Variants in PHACTR3 observed in about 807,000 individuals in gnomAD.
PHACTR3 encodes the protein protein phosphatase 1, regulatory subunit 123.
In PHACTR3, 16 loss-of-function variants were observed where a neutral mutation model predicts 66.8. That is an observed-to-expected ratio of 0.24 (90% confidence interval 0.16 to 0.36). The LOEUF (loss-of-function observed/expected upper bound fraction) is 0.36. PHACTR3 is among the 10% of genes least tolerant of loss of function. The pLI is 1.00. For synonymous variants in PHACTR3, 323 were observed against 292.1 expected (o/e 1.11, Z -1.08); for missense variants, 647 against 719.9 (o/e 0.90, Z 1.16).
At chr20:59,608,090 C>G (rs2033725465) in intron 1 of PHACTR3, among the ~76,000 whole-genome samples, 1 of 152,202 alleles carries the variant, frequency 6.6e-6, no homozygotes, top group Non-Finnish European at 1.5e-5. Flanking sequence ...TCTCCAAACC[C>G]TTGCCAACAC....
intron 1 of PHACTR3, chr20:59,676,641 AG>A: frequency 1.0e-6 from 1 of 968,540 alleles, no homozygotes; most frequent in Middle Eastern, 5.3e-4. Flanking sequence ...CAGGGCTGTG[AG>A]GGCTCTTTGC....
At chr20:59,668,073 C>A (rs758703170) in intron 1 of PHACTR3, among the ~76,000 whole-genome samples, 1 of 152,128 alleles carries the variant, frequency 6.6e-6, no homozygotes, top group Non-Finnish European at 1.5e-5. Flanking sequence ...GGCACATACA[C>A]CTGTACGGAC....
At chr20:59,775,177 G>T (rs573837626) in intron 7 of PHACTR3, among the ~76,000 whole-genome samples, 11 of 152,112 alleles carry the variant, frequency 7.2e-5, no homozygotes, top group African/African-American at 2.2e-4. Flanking sequence ...GGAGAAGGAG[G>T]CTCAGGCCAG....
chr20:59,618,279 C>T (rs997820855), intron 1 of PHACTR3, among the ~76,000 whole-genome samples: 1 of 152,028 alleles, frequency 6.6e-6, no homozygotes, highest in Non-Finnish European at 1.5e-5. Flanking sequence ...TGGGGAGGAG[C>T]TTGTCTGCCA....
At chr20:59,709,222 G>A (rs986922663) in intron 1 of PHACTR3, among the ~76,000 whole-genome samples, 19 of 152,190 alleles carry the variant, frequency 1.2e-4, no homozygotes, top group Non-Finnish European at 2.2e-4. Context: ...GGCTTCATCT[G>A]CCAAAACACA....
intron 9 of PHACTR3, among the ~76,000 whole-genome samples, chr20:59,838,809 T>C (rs1433129849): frequency 1.3e-5 from 2 of 152,136 alleles, no homozygotes; most frequent in Non-Finnish European, 2.9e-5. Flanking sequence ...CCTTGCTTTG[T>C]ATAATGCAGA....
intron 1 of PHACTR3, among the ~76,000 whole-genome samples, chr20:59,684,975 C>G (rs2036808140): frequency 6.6e-6 from 1 of 151,796 alleles, no homozygotes. Context: ...TGGCTCAGCT[C>G]TCACTCCTTT....
chr20:59,737,513 CATGTGTGCGTGT>C (rs975623027), intron 1 of PHACTR3, among the ~76,000 whole-genome samples: 2 of 133,352 alleles, frequency 1.5e-5, no homozygotes, highest in African/African-American at 2.5e-5. Flanking sequence ...TGTGTGCGTG[CATGTGTGCGTGT>C]ATGTGTGTGC....
At chr20:59,712,112 C>T (rs543945902) in intron 1 of PHACTR3, among the ~76,000 whole-genome samples, 31 of 152,032 alleles carry the variant, frequency 2.0e-4, no homozygotes, top group African/African-American at 7.2e-4. Context: ...TTGATTGGTT[C>T]TATTTCTTTT....
At chr20:59,680,678 C>T (rs922509569) in intron 1 of PHACTR3, among the ~76,000 whole-genome samples, 13 of 151,704 alleles carry the variant, frequency 8.6e-5, no homozygotes, top group African/African-American at 3.1e-4. Flanking sequence ...TTTTTTAGCT[C>T]ATCAACTATC....
At chr20:59,636,650 A>G (rs1308064400) in intron 1 of PHACTR3, among the ~76,000 whole-genome samples, 2 of 152,170 alleles carry the variant, frequency 1.3e-5, no homozygotes, top group Non-Finnish European at 2.9e-5. Context: ...TCTCAAATGG[A>G]TATCAGGATA....
chr20:59,743,047 C>T (rs780978370), intron 1 of PHACTR3, 60 bp from the exon 2 acceptor site: 2 of 1,566,232 alleles, frequency 1.3e-6, no homozygotes, highest in Non-Finnish European at 1.7e-6. Context: ...CACCTTGGGC[C>T]CCCAGGAGTC....
chr20:59,794,056 C>T lies in PHACTR3; in HGVS notation c.1175-11985C>T, dbSNP rs1300792610. Among the ~76,000 whole-genome samples, 11 of 140,114 alleles carry T rather than the reference C, an allele frequency of 7.9e-5. No individual in the cohort carries two copies. The East Asian group carries it at 1.7e-3, about 22-fold the overall frequency. 91.9% of individuals were successfully genotyped at this position (140,114 alleles called of 152,430 possible). ...GGAGGATCACTTGAACCTGGGAGGC[C>T]GAGGTTGCAGTGAGCCAAGATTGTG... On this transcript the variant is annotated intron_variant, in intron 7 of 12. Coordinates refer to ENST00000371015, the MANE Select transcript of PHACTR3 (RefSeq NM_080672.5).
chr20:59,723,995 C>T (rs943341033), intron 1 of PHACTR3, among the ~76,000 whole-genome samples: 1 of 152,100 alleles, frequency 6.6e-6, no homozygotes, highest in African/African-American at 2.4e-5. Flanking sequence ...TGTGTGAAGG[C>T]TCTGATTTCT....
At chr20:59,726,363 A>G (rs574330540) in intron 1 of PHACTR3, among the ~76,000 whole-genome samples, 3 of 152,270 alleles carry the variant, frequency 2.0e-5, no homozygotes, top group Admixed American at 1.3e-4. Context: ...CACTAAGTCA[A>G]TGGGAAGTGC....
chr20:59,774,520 G>C (rs2040460614), intron 7 of PHACTR3, 30 bp downstream of exon 7: 1 of 1,591,966 alleles, frequency 6.3e-7, no homozygotes, highest in East Asian at 2.3e-5. Context: ...TTAAGTGTGG[G>C]GATCTCGGCC....
In PHACTR3 at chr20:59,608,332, G is replaced by A. The variant is rs533817829; in HGVS notation, c.118+3200G>A. On this transcript the variant is annotated intron_variant, in intron 1 of 12. Transcript: ENST00000371015. ...TCACCACTGCTTCGTTAATGGGCCC[G>A]TCTGTATCTACACAATGTGCCTCTC... 5.3e-5 allele frequency among the ~76,000 whole-genome samples: 8 copies of A among 152,014 alleles called. No homozygotes were observed. The East Asian group carries it at 5.8e-4, about 11-fold the overall frequency.
chr20:59,814,884 A>G (rs2041841947), intron 8 of PHACTR3, among the ~76,000 whole-genome samples: 1 of 151,826 alleles, frequency 6.6e-6, no homozygotes, highest in South Asian at 2.1e-4. Context: ...GGCCTTGCTG[A>G]ATAATTTGGG....
rs201185277 is a variant in PHACTR3, at chr20:59,625,601, CT to C, written c.118+20470del. On this transcript the variant is annotated intron_variant, in intron 1 of 12. Coordinates refer to ENST00000371015, the MANE Select transcript of PHACTR3 (RefSeq NM_080672.5). Reference sequence around the variant, plus strand: ...TCTCCCTGGCCGCCTTTGGTTTCTTCTCTTGCTTAGGGATTTGCCCAACTCC... The same window carrying C: ...TCTCCCTGGCCGCCTTTGGTTTCTTCCTTGCTTAGGGATTTGCCCAACTCC... Among the ~76,000 whole-genome samples, 1,039 of 152,300 alleles carry C rather than the reference CT, an allele frequency of 6.8e-3. 5 individuals are homozygous for C. Among genetic ancestry groups the C allele is most frequent in the Non-Finnish European group, 0.011 (756 of 68,030 alleles).
Sources: gnomAD v4.1 joint callset for allele counts (sites outside exome capture counted in the v4.1 genomes callset) on GRCh38, gnomAD v4.1.1 for gene constraint, MANE v1.5 for transcripts, NCBI Gene and HGNC (gene_info 2026-07-23, HGNC 2026-07-21) for gene names.